The following TRIM23 variants were observed in gnomAD, a reference collection of about 807,000 sequenced individuals.
The protein encoded by TRIM23 is tripartite motif containing 23, also known as E3 ubiquitin-protein ligase TRIM23.
A neutral mutation model predicts 71.0 loss-of-function variants in TRIM23; 27 were observed. The observed-to-expected ratio is 0.38, with a 90% CI of 0.28 to 0.52. TRIM23 has a LOEUF of 0.52. Ranked by LOEUF, TRIM23 falls within the 20% of genes least tolerant of loss-of-function variation. The pLI is 0.84. For synonymous variants in TRIM23, 234 were observed against 238.0 expected, an observed-to-expected ratio of 0.98 and a Z score of 0.16; for missense variants, 482 against 692.3, an observed-to-expected ratio of 0.70 and a Z score of 3.41.
intron 3 of TRIM23, 38 bp from the exon 4 acceptor site, chr5:65,611,919 A>C (rs1754660857): frequency 5.7e-6 from 9 of 1,587,036 alleles, no homozygotes; most frequent in Non-Finnish European, 7.7e-6. Context: ...AATTGAACCC[A>C]ATCAGTATAA....
chr5:65,607,706 A>G (rs1423221738), intron 6 of TRIM23, among the ~76,000 whole-genome samples: 1 of 152,254 alleles, frequency 6.6e-6, no homozygotes, highest in Non-Finnish European at 1.5e-5. Flanking sequence ...TAAATATTTC[A>G]GTAACTATGA....
At chr5:65,619,734 G>T (rs1754874945) in intron 1 of TRIM23, among the ~76,000 whole-genome samples, 1 of 152,152 alleles carries the variant, frequency 6.6e-6, no homozygotes, top group Admixed American at 6.5e-5. Context: ...TCAGAGAAAA[G>T]AAGATGAAAA....
chr5:65,590,066 A>C lies in TRIM23; in HGVS notation c.*1703T>G. On this transcript the variant is annotated 3_prime_UTR_variant, in exon 11 of 11. Coordinates refer to ENST00000231524, the MANE Select transcript of TRIM23 (RefSeq NM_001656.4). ...CAGGCACAATTTTTCAACTGTGTTC[A>C]GTTATATGCTAAGAATGTGCATTAC... is the stretch of plus-strand genomic sequence containing the variant. 1 of 373,044 alleles carries C rather than the reference A, an allele frequency of 2.7e-6. No individual in the cohort carries two copies. The highest frequency in any genetic ancestry group is 5.0e-6 in the Non-Finnish European group (1 of 198,412). 23.1% of individuals were successfully genotyped at this position (373,044 alleles called of 1,614,324 possible). A position where few individuals can be genotyped will look rare whatever the true frequency, so the allele number is the denominator to read the frequency against.
rs190241206 is a variant in TRIM23 at position 65,609,400 on chromosome 5, T to C, written c.887A>G (p.His296Arg). The change falls in exon 6 of 11, where the codon CAT becomes CGT. Residue 296 changes from histidine (H) to arginine (R), a missense_variant. Transcript: ENST00000231524. ...TTCTTCTTGACGACACAGAGTTTCA[T>C]GTAGATCATAAAAATAAGCTCGAAT... ...SCIRAYFYDLHETLCRQEEMA... is the reference protein window; with the variant it reads ...SCIRAYFYDLRETLCRQEEMA... 8.1e-6 allele frequency: 13 copies of C among 1,614,200 alleles called. No homozygotes were observed. In the Admixed American group the frequency reaches 1.3e-4, roughly 17 times the overall value.
chr5:65,606,250 T>A (rs2150631082), intron 6 of TRIM23, among the ~76,000 whole-genome samples: 1 of 152,098 alleles, frequency 6.6e-6, no homozygotes, highest in East Asian at 1.9e-4. Flanking sequence ...TTTAGACCAG[T>A]CTGGGCAACA....
intron 10 of TRIM23, among the ~76,000 whole-genome samples, chr5:65,593,436 A>C (rs1188664250): frequency 6.6e-6 from 1 of 152,214 alleles, no homozygotes; most frequent in Non-Finnish European, 1.5e-5. Flanking sequence ...TCAGTCTCAA[A>C]ATAATAATAG....
rs984377493 is a variant in TRIM23, at chr5:65,624,204, G to A, written c.71C>T (p.Ala24Val). The change falls in exon 1 of 11, where the codon GCT (alanine) becomes GTT (valine). Residue 24 changes from alanine (A) to valine (V), a missense_variant. Transcript: ENST00000231524. ...CGCAAGGTCCCTCACCTTCACTACA[G>A]CTGTCCCCCGGCTGCCCTGCCGGCC... The part of the protein sequence containing the change: ...DSGRQGSRGT[A>V]VVKVLECGVC... 7 of 1,614,228 alleles carry A rather than the reference G, an allele frequency of 4.3e-6. No individual in the cohort carries two copies. Among genetic ancestry groups the A allele is most frequent in the Non-Finnish European group, 1.7e-6 (2 of 1,180,046 alleles).
intron 9 of TRIM23, among the ~76,000 whole-genome samples, chr5:65,595,725 CA>C (rs34644834): frequency 1.3e-5 from 2 of 149,140 alleles, no homozygotes; most frequent in Non-Finnish European, 1.5e-5. Context: ...GATTCTGTCT[CA>C]AAAAAAAAAT....
Position 65,590,494 on chromosome 5 carries a change from C to A in TRIM23, c.*1275G>T, listed in dbSNP as rs1753988260. On this transcript the variant is annotated 3_prime_UTR_variant, in exon 11 of 11. Coordinates refer to ENST00000231524, the MANE Select transcript of TRIM23 (RefSeq NM_001656.4). ...TTACCAGACATCACTGTCCTTACAA[C>A]AATTCAACTAATAAGATTTAAGATT... The A allele has an allele frequency of 1.1e-5, 13 of 1,176,072 alleles. No individual in the cohort carries two copies. Among genetic ancestry groups the A allele is most frequent in the East Asian group, 4.0e-5 (1 of 25,084 alleles). 72.9% of individuals were successfully genotyped at this position (1,176,072 alleles called of 1,614,324 possible). A position where few individuals can be genotyped will look rare whatever the true frequency, so the allele number is the denominator to read the frequency against.
intron 4 of TRIM23, among the ~76,000 whole-genome samples, chr5:65,611,327 G>A (rs545088985): frequency 2.0e-5 from 3 of 152,034 alleles, no homozygotes; most frequent in African/African-American, 7.2e-5. Flanking sequence ...AAACAATCTG[G>A]TGCATTATGA....
At position 65,604,932 on chromosome 5, in the gene TRIM23, G is replaced by A. The variant is rs747204688; in HGVS notation, c.1158C>T (p.Ser386=). The change falls in exon 7 of 11, where the codon AGC becomes AGT. Residue 386 remains serine, a synonymous_variant. Coordinates refer to ENST00000231524, the MANE Select transcript of TRIM23 (RefSeq NM_001656.4). The part of the protein sequence containing the change: ...EVADHIQLDA[S]IPVTFTKDNR... ...TTACCTTTGTAAAAGTGACAGGGAT[G>A]CTGGCATCCAACTGAATGTGATCTG... The A allele has an allele frequency of 1.2e-6, 2 of 1,613,676 alleles. No individual in the cohort carries two copies. Among genetic ancestry groups the A allele is most frequent in the Non-Finnish European group, 8.5e-7 (1 of 1,179,848 alleles).
chr5:65,611,306 A>G (rs1229342689), intron 4 of TRIM23, among the ~76,000 whole-genome samples: 1 of 152,230 alleles, frequency 6.6e-6, no homozygotes, highest in African/African-American at 2.4e-5. Context: ...TAACAGACAT[A>G]AATATTGTCA....
intron 2 of TRIM23, 42 bp from the exon 3 acceptor site, chr5:65,614,261 G>GACT (rs1561750177): frequency 1.3e-6 from 2 of 1,565,984 alleles, no homozygotes; most frequent in African/African-American, 1.4e-5. Context: ...TAACAAAATG[G>GACT]ACTATTAATC....
At position 65,591,412 on chromosome 5, in the gene TRIM23, ATTC is replaced by A. The variant is rs1754021858; in HGVS notation, c.*354_*356del. The A allele has an allele frequency of 1.3e-6, 2 of 1,582,166 alleles. No individual in the cohort carries two copies. Among genetic ancestry groups the A allele is most frequent in the South Asian group, 2.3e-5 (2 of 85,198 alleles). On this transcript the variant is annotated 3_prime_UTR_variant, in exon 11 of 11. Coordinates refer to ENST00000231524, the MANE Select transcript of TRIM23 (RefSeq NM_001656.4). ...GGTCTCATTAGGCACTCAATTGGCTATTCTTTTTTCACTGAAAGAATAAACCTT... is the reference window on the plus strand; with the variant it reads ...GGTCTCATTAGGCACTCAATTGGCTATTTTTTCACTGAAAGAATAAACCTT...
chr5:65,619,869 G>A (rs759281225), intron 1 of TRIM23, among the ~76,000 whole-genome samples: 2 of 152,098 alleles, frequency 1.3e-5, no homozygotes, highest in African/African-American at 2.4e-5. Flanking sequence ...ATCATCTGAG[G>A]TCAGGAGTTC....
Position 65,617,837 on chromosome 5 carries a change from G to A in TRIM23, c.244+256C>T, listed in dbSNP as rs56747161. Among the ~76,000 whole-genome samples, 923 of 152,242 alleles carry A rather than the reference G, an allele frequency of 6.1e-3. 9 individuals are homozygous for A. Among genetic ancestry groups the A allele is most frequent in the African/African-American group, 0.02 (840 of 41,542 alleles). Reference sequence around the variant, plus strand: ...TTATTTATTTGAATCAGGGTAGCACGTTTTTCTCAGGTGTCTTAAAGCTCT... The same window carrying A: ...TTATTTATTTGAATCAGGGTAGCACATTTTTCTCAGGTGTCTTAAAGCTCT... On this transcript the variant is annotated intron_variant, in intron 2 of 10. Coordinates refer to ENST00000231524, the MANE Select transcript of TRIM23 (RefSeq NM_001656.4).
intron 6 of TRIM23, among the ~76,000 whole-genome samples, chr5:65,605,366 T>C (rs887030467): frequency 1.3e-5 from 2 of 152,204 alleles, no homozygotes; most frequent in African/African-American, 4.8e-5. Context: ...CTGTATGATT[T>C]CATTTAATTA....
At chr5:65,595,155 T>C (rs921415708) in intron 9 of TRIM23, among the ~76,000 whole-genome samples, 1 of 152,110 alleles carries the variant, frequency 6.6e-6, no homozygotes, top group African/African-American at 2.4e-5. Context: ...CTCACACCTA[T>C]AATCCCAGCA....
chr5:65,620,027 G>A (rs1253532683), intron 1 of TRIM23, among the ~76,000 whole-genome samples: 4 of 152,172 alleles, frequency 2.6e-5, no homozygotes, highest in Non-Finnish European at 5.9e-5. Flanking sequence ...GGAGGTTGCA[G>A]TGAGCCAAGA....
Sources: gnomAD v4.1 joint callset for allele counts (sites outside exome capture counted in the v4.1 genomes callset) on GRCh38, gnomAD v4.1.1 for gene constraint, MANE v1.5 for transcripts, NCBI Gene and HGNC (gene_info 2026-07-23, HGNC 2026-07-21) for gene names.